The following TCP11L2 variants were observed in gnomAD, a reference collection of about 807,000 sequenced individuals.
The protein encoded by TCP11L2 is t-complex 11 like 2, also known as T-complex protein 11-like protein 2.
In TCP11L2, 39 loss-of-function variants were observed where a neutral mutation model predicts 50.7. That is an observed-to-expected ratio of 0.77 (90% CI 0.60 to 1.01). TCP11L2 has a LOEUF of 1.01. Ranked by LOEUF, TCP11L2 falls within the 50% of genes least tolerant of loss-of-function variation. The pLI is 0.00. For missense variants in TCP11L2, 612 were observed against 614.7 expected (o/e 1.00, Z 0.05); for synonymous variants, 192 against 219.3 (o/e 0.88, Z 1.10).
At chr12:106,305,950 C>G (rs2034614651) in intron 1 of TCP11L2, among the ~76,000 whole-genome samples, 1 of 152,092 alleles carries the variant, frequency 6.6e-6, no homozygotes, top group African/African-American at 2.4e-5. Context: ...AAACCATGGC[C>G]CAGTGACTTA....
At chr12:106,339,179 C>T (rs1457314443) in intron 8 of TCP11L2, among the ~76,000 whole-genome samples, 2 of 152,084 alleles carry the variant, frequency 1.3e-5, no homozygotes, top group Non-Finnish European at 2.9e-5. Context: ...GCCATTCAGA[C>T]TGGTATGAGA....
At position 106,311,093 on chromosome 12, in the gene TCP11L2, G is replaced by A; in HGVS notation, c.18G>A (p.Glu6=). The change falls in exon 2 of 10, where the codon GAG becomes GAA. Residue 6 remains glutamate, a synonymous_variant. Transcript: ENST00000299045. ...GACGCAAAATGCCCTTCAATGGCGA[G>A]AAGCAGTGTGTGGGAGAGGACCAGC... MPFNG[E]KQCVGEDQPS... 3 of 1,614,158 alleles carry A rather than the reference G, an allele frequency of 1.9e-6. No homozygotes were observed. The highest frequency in any genetic ancestry group is 2.7e-5 in the African/African-American group (2 of 75,070).
upstream of TCP11L2, chr12:106,301,905 G>A (rs187297930): frequency 2.0e-5 from 3 of 152,272 alleles, no homozygotes; most frequent in African/African-American, 7.2e-5. Context: ...AACCCTAGAG[G>A]AAGTAAGACG....
chr12:106,344,897 A>T (rs1241369088), intron 9 of TCP11L2, among the ~76,000 whole-genome samples: 2 of 152,190 alleles, frequency 1.3e-5, no homozygotes, highest in Non-Finnish European at 2.9e-5. Flanking sequence ...GCAGTGATGC[A>T]GGAAGGGCAG....
rs79104903 is a variant in TCP11L2 at position 106,345,661 on chromosome 12, T to A, written c.1316-625T>A. Reference sequence around the variant, plus strand: ...AAATAGGGCTCTGCCTTTTTTTTTTTATCAGTCAGCTATTGCTGCATAACA... The same window carrying A: ...AAATAGGGCTCTGCCTTTTTTTTTTAATCAGTCAGCTATTGCTGCATAACA... On this transcript the variant is annotated intron_variant, in intron 9 of 9. Transcript: ENST00000299045. Among the ~76,000 whole-genome samples, 30 of 151,724 alleles carry A rather than the reference T, an allele frequency of 2.0e-4. No individual in the cohort carries two copies. In the East Asian group the frequency reaches 2.5e-3, roughly 13 times the overall value.
rs1356860056 is a variant in TCP11L2 at position 106,340,988 on chromosome 12, G to T, written c.1305G>T (p.Trp435Cys). 6.2e-7 allele frequency: 1 copy of T among 1,600,682 alleles called. No individual in the cohort carries two copies. Among genetic ancestry groups the T allele is most frequent in the South Asian group, 1.1e-5 (1 of 87,774 alleles). ...TTGAAGAGGAGGACAATCCTATCTG[G>T]TCCTTGATTGGTGAGTCCTTTTATT... is the stretch of plus-strand genomic sequence containing the variant. ...SSIEEEDNPI[W>C]SLIDKRIKLY... is the part of the protein sequence containing the mutation. The change falls in exon 9 of 10, where the codon TGG (tryptophan) becomes TGT (cysteine). Residue 435 changes from tryptophan (W) to cysteine (C), a missense_variant. Physicochemically the swap from Trp to Cys is radical, Grantham distance 215. Transcript: ENST00000299045.
upstream of TCP11L2, among the ~76,000 whole-genome samples, chr12:106,301,656 A>G (rs2034418521): frequency 6.6e-6 from 1 of 152,262 alleles, no homozygotes; most frequent in South Asian, 2.1e-4. Context: ...TTTAGTCTAT[A>G]CAAACTTCAT....
intron 1 of TCP11L2, among the ~76,000 whole-genome samples, chr12:106,309,891 T>C (rs1333226904): frequency 6.6e-6 from 1 of 152,172 alleles, no homozygotes; most frequent in Non-Finnish European, 1.5e-5. Context: ...TTTCCCATTC[T>C]GGCCGCTTTA....
In TCP11L2 at chr12:106,311,100, T is replaced by C. The variant is rs770540100; in HGVS notation, c.25T>C (p.Cys9Arg). The change falls in exon 2 of 10, where the codon TGT becomes CGT. Residue 9 changes from cysteine (C) to arginine (R), a missense_variant. By Grantham distance (180) the Cys-to-Arg change is radical (BLOSUM62 -3). Transcript: ENST00000299045. ...AATGCCCTTCAATGGCGAGAAGCAG[T>C]GTGTGGGAGAGGACCAGCCAAGCGA... MPFNGEKQ[C>R]VGEDQPSDSD... 8 of 1,613,994 alleles carry C rather than the reference T, an allele frequency of 5.0e-6. No individual in the cohort carries two copies. Among genetic ancestry groups the C allele is most frequent in the East Asian group, 4.5e-5 (2 of 44,886 alleles).
intron 1 of TCP11L2, chr12:106,304,222 G>C (rs1317352471): frequency 1.3e-5 from 2 of 152,344 alleles, no homozygotes; most frequent in Admixed American, 6.5e-5. Flanking sequence ...CCCCAGAGGG[G>C]GAAGCACAGG....
At chr12:106,336,813 G>T (rs1195936809) in intron 8 of TCP11L2, among the ~76,000 whole-genome samples, 1 of 151,926 alleles carries the variant, frequency 6.6e-6, no homozygotes, top group African/African-American at 2.4e-5. Context: ...GGCCTCCCTA[G>T]AATTGTGCTA....
chr12:106,313,314 G>A (rs1477654922), intron 2 of TCP11L2, among the ~76,000 whole-genome samples: 1 of 152,138 alleles, frequency 6.6e-6, no homozygotes, highest in African/African-American at 2.4e-5. Context: ...GCTGGGTGCG[G>A]TGGCTTACAC....
In TCP11L2 at chr12:106,329,562, A is replaced by C. The variant is rs542958486; in HGVS notation, c.772+5916A>C. On this transcript the variant is annotated intron_variant, in intron 6 of 9. Coordinates refer to ENST00000299045, the MANE Select transcript of TCP11L2 (RefSeq NM_152772.3). ...GAGGCCTGAGCCCTGCCTCAGACAGAATAAATCAAAGTCTCCAGGAGCTGT... is the reference window on the plus strand; with the variant it reads ...GAGGCCTGAGCCCTGCCTCAGACAGCATAAATCAAAGTCTCCAGGAGCTGT... 8 of 1,411,840 alleles carry C rather than the reference A, an allele frequency of 5.7e-6. No individual in the cohort carries two copies. In the East Asian group the frequency reaches 1.8e-4, roughly 32 times the overall value. 87.5% of individuals were successfully genotyped at this position (1,411,840 alleles called of 1,614,324 possible).
intron 2 of TCP11L2, 140 bp from the exon 3 acceptor site, chr12:106,314,218 T>C (rs1441005120): frequency 8.2e-6 from 6 of 733,770 alleles, no homozygotes; most frequent in Non-Finnish European, 1.2e-5. Context: ...GGAATTCACC[T>C]ATTTTAATAT....
At chr12:106,319,943 G>A (rs947330247) in intron 4 of TCP11L2, among the ~76,000 whole-genome samples, 1 of 152,146 alleles carries the variant, frequency 6.6e-6, no homozygotes, top group African/African-American at 2.4e-5. Context: ...TCGACCCCAT[G>A]GGATATTTTC....
intron 9 of TCP11L2, among the ~76,000 whole-genome samples, chr12:106,342,197 T>C (rs1366219961): frequency 6.6e-6 from 1 of 152,192 alleles, no homozygotes; most frequent in Non-Finnish European, 1.5e-5. Flanking sequence ...AGAATACAAA[T>C]ACATTTTATT....
intron 6 of TCP11L2, chr12:106,329,636 A>G (rs1242248059): frequency 6.2e-6 from 8 of 1,295,890 alleles, no homozygotes; most frequent in Admixed American, 3.6e-5. Context: ...GTGATTCTAA[A>G]GTCAGCCAGG....
At chr12:106,337,790 A>C (rs1008200258) in intron 8 of TCP11L2, among the ~76,000 whole-genome samples, 2 of 152,242 alleles carry the variant, frequency 1.3e-5, no homozygotes, top group Non-Finnish European at 2.9e-5. Context: ...ATTCAGGTAC[A>C]GATGTGTGGC....
rs545856504 is a variant in TCP11L2 at position 106,336,188 on chromosome 12, G to C, written c.1117G>C (p.Val373Leu). The change falls in exon 8 of 10, where the codon GTT (valine) becomes CTT (leucine). Residue 373 changes from valine to leucine, a missense_variant. Physicochemically the swap from Val to Leu is conservative, Grantham distance 32 (BLOSUM62 1). Coordinates refer to ENST00000299045, the MANE Select transcript of TCP11L2 (RefSeq NM_152772.3). The part of the protein sequence containing the change: ...LASRLTRISA[V>L]LLEGMNKETF... Reference sequence around the variant, plus strand: ...AAGCAGGTTAACAAGGATTTCAGCTGTTCTACTTGAAGGCATGAACAAAGA... The same window carrying C: ...AAGCAGGTTAACAAGGATTTCAGCTCTTCTACTTGAAGGCATGAACAAAGA... The C allele has an allele frequency of 2.5e-6, 4 of 1,611,064 alleles. No individual in the cohort carries two copies. The highest frequency in any genetic ancestry group is 1.1e-5 in the South Asian group (1 of 90,356).
Sources: allele counts gnomAD v4.1 joint callset (sites outside exome capture counted in the v4.1 genomes callset), GRCh38; gene constraint gnomAD v4.1.1; transcripts MANE v1.5; gene names NCBI Gene and HGNC (gene_info 2026-07-23, HGNC 2026-07-21).